The following RFPL1 variants were observed in gnomAD, a reference collection of about 807,000 sequenced individuals.
RFPL1 encodes the protein ret finger protein-like 1.
Under a neutral mutation model 9.6 loss-of-function variants are expected in RFPL1, and 6 were observed. The ratio of observed to expected loss-of-function variants is 0.62; its 90% CI spans 0.34 to 1.23. RFPL1 has a LOEUF of 1.23. Among genes scored for constraint, RFPL1 ranks in the 50% most tolerant of loss-of-function variants. The pLI is 0.03. For synonymous variants in RFPL1, 145 were observed against 149.4 expected, an observed-to-expected ratio of 0.97 and a Z score of 0.22; for missense variants, 352 against 398.4, an observed-to-expected ratio of 0.88 and a Z score of 0.99.
the RFPL1 span, among the ~76,000 whole-genome samples, chr22:29,417,543 T>G: frequency 2.1e-3 from 319 of 149,174 alleles, 1 homozygote; most frequent in African/African-American, 7.5e-3. Context: ...TGGGTGAAAG[T>G]GGCCTGGATT....
At chr22:29,439,274 A>G in intron 1 of RFPL1, 110 bp downstream of exon 1, 1 of 1,389,808 alleles carries the variant, frequency 7.2e-7, no homozygotes, top group Non-Finnish European at 9.8e-7. Flanking sequence ...GGCACCTAAA[A>G]TTGAGATGCT....
chr22:29,397,074 ATT>A, the RFPL1 span, among the ~76,000 whole-genome samples: 2 of 143,686 alleles, frequency 1.4e-5, no homozygotes, highest in African/African-American at 5.2e-5. Context: ...CGCCCGGCTA[ATT>A]TTTTTTGTAT....
At chr22:29,439,019 A>G in exon 1 of RFPL1, 2 of 1,614,112 alleles carry the variant, frequency 1.2e-6, no homozygotes, top group Non-Finnish European at 1.7e-6. Context: ...GGGAGGATCT[A>G]CTTTGCTGTT....
the RFPL1 span, among the ~76,000 whole-genome samples, chr22:29,417,938 GTTT>G: frequency 7.7e-6 from 1 of 129,376 alleles, no homozygotes; most frequent in African/African-American, 3.0e-5. Flanking sequence ...ACCTTGAATG[GTTT>G]TTTTTTTTTT....
At chr22:29,402,773 G>C in the RFPL1 span, among the ~76,000 whole-genome samples, 29 of 145,000 alleles carry the variant, frequency 2.0e-4, no homozygotes, top group Admixed American at 5.4e-4. Flanking sequence ...TGAGTTCATT[G>C]CCCGGGGTGA....
the RFPL1 span, among the ~76,000 whole-genome samples, chr22:29,410,596 GATATATAT>G: frequency 4.9e-5 from 6 of 123,458 alleles, no homozygotes; most frequent in Non-Finnish European, 9.9e-5. Context: ...TCTATATATA[GATATATAT>G]AGATATATCT....
chr22:29,440,294 T>TA (rs2062831769), intron 1 of RFPL1: 1 of 152,210 alleles, frequency 6.6e-6, no homozygotes, highest in African/African-American at 2.4e-5. Flanking sequence ...ATTCCCTAAT[T>TA]CACCATCAAA....
chr22:29,406,807 G>T, the RFPL1 span, among the ~76,000 whole-genome samples: 2 of 152,196 alleles, frequency 1.3e-5, no homozygotes, highest in Admixed American at 1.3e-4. Flanking sequence ...TTGCAGGTTT[G>T]GACGCCCGCT....
chr22:29,404,747 G>C, the RFPL1 span, among the ~76,000 whole-genome samples: 67 of 152,298 alleles, frequency 4.4e-4, no homozygotes, highest in African/African-American at 1.5e-3. Context: ...ATCTTTAAGA[G>C]ACAGGGTCTT....
chr22:29,407,415 C>T, the RFPL1 span, among the ~76,000 whole-genome samples: 3 of 151,916 alleles, frequency 2.0e-5, no homozygotes, highest in Non-Finnish European at 4.4e-5. Flanking sequence ...TGTTTGGAAA[C>T]ACAATTTTTA....
At chr22:29,426,947 G>A in the RFPL1 span, among the ~76,000 whole-genome samples, 8,828 of 152,244 alleles carry the variant, frequency 0.058, 335 homozygotes, top group South Asian at 0.082. Context: ...AGGTGGAGAC[G>A]AACGTGGTTC....
chr22:29,431,512 C>A, the RFPL1 span, among the ~76,000 whole-genome samples: 1 of 152,104 alleles, frequency 6.6e-6, no homozygotes, highest in Admixed American at 6.6e-5. Context: ...CAGATTAGAA[C>A]GATTTTGCAG....
chr22:29,400,618 G>T, the RFPL1 span, among the ~76,000 whole-genome samples: 4 of 149,580 alleles, frequency 2.7e-5, no homozygotes, highest in Admixed American at 1.3e-4. Flanking sequence ...TCATCTTTAT[G>T]GGGGGGGAAT....
At chr22:29,441,739 G>C (rs748629312) in exon 2 of RFPL1, 2 of 1,613,984 alleles carry the variant, frequency 1.2e-6, no homozygotes, top group Admixed American at 1.7e-5. Flanking sequence ...AACAAGCACA[G>C]AATGGGACCT....
chr22:29,414,275 C>T, the RFPL1 span, among the ~76,000 whole-genome samples: 216 of 151,750 alleles, frequency 1.4e-3, no homozygotes, highest in African/African-American at 4.9e-3. Flanking sequence ...AGCAAACTTC[C>T]TTCATGTCTG....
At chr22:29,424,032 T>G in the RFPL1 span, among the ~76,000 whole-genome samples, 1 of 152,006 alleles carries the variant, frequency 6.6e-6, no homozygotes, top group Non-Finnish European at 1.5e-5. Flanking sequence ...TACAAAAAAT[T>G]AGCTGGGCGT....
intron 1 of RFPL1, chr22:29,440,035 GA>G (rs1226544489): frequency 7.9e-5 from 12 of 152,220 alleles, no homozygotes; most frequent in African/African-American, 2.9e-4. Flanking sequence ...CCTGGCTACA[GA>G]AAATACTATC....
chr22:29,428,671 C>CA, the RFPL1 span, among the ~76,000 whole-genome samples: 4 of 151,850 alleles, frequency 2.6e-5, no homozygotes, highest in Non-Finnish European at 4.4e-5. Flanking sequence ...TGAAATATAA[C>CA]AAAAAATCAA....
chr22:29,438,453 GATTAT>G, upstream of RFPL1: 1 of 428,164 alleles, frequency 2.3e-6, no homozygotes, highest in Non-Finnish European at 3.6e-6. Context: ...AAAGTGCTGG[GATTAT>G]AGGCCTGAGC....
Sources: allele counts gnomAD v4.1 joint callset (sites outside exome capture counted in the v4.1 genomes callset), GRCh38; gene constraint gnomAD v4.1.1; transcripts MANE v1.5; gene names NCBI Gene and HGNC (gene_info 2026-07-23, HGNC 2026-07-21).